The following NOM1 variants were observed in gnomAD, a reference collection of about 807,000 sequenced individuals.
The protein encoded by NOM1 is nucleolar protein with MIF4G domain 1, also known as nucleolar MIF4G domain-containing protein 1.
A neutral mutation model predicts 73.3 loss-of-function variants in NOM1; 58 were observed. That is an observed-to-expected ratio of 0.79 (90% CI 0.64 to 0.99). The LOEUF (loss-of-function observed/expected upper bound fraction) is 0.99. Ranked by LOEUF, NOM1 falls within the 50% of genes least tolerant of loss-of-function variation. NOM1 has a pLI of 0.00. For synonymous variants in NOM1, 487 were observed against 446.8 expected, an observed-to-expected ratio of 1.09 and a Z score of -1.14; for missense variants, 1,226 against 1,131.9, an observed-to-expected ratio of 1.08 and a Z score of -1.19.
rs1805174571 is a variant in NOM1, at chr7:156,972,941, A to G, written c.*3238A>G. 2 of 152,232 alleles carry G rather than the reference A, an allele frequency of 1.3e-5. No homozygotes were observed. The highest frequency in any genetic ancestry group is 2.4e-5 in the African/African-American group (1 of 41,456). The allele number at this position is 152,232 out of a possible 1,614,324, so 9.4% of individuals were successfully genotyped here. ...GCTATGAATTCAGAATTGCTTTTAA[A>G]TATATAGGGGGTTTTTTGAAATTTA... is the stretch of plus-strand genomic sequence containing the variant. On this transcript the variant is annotated 3_prime_UTR_variant, in exon 11 of 11. Transcript: ENST00000275820.
At chr7:156,954,774 T>G (rs1274548464) in intron 3 of NOM1, among the ~76,000 whole-genome samples, 1 of 152,140 alleles carries the variant, frequency 6.6e-6, no homozygotes, top group Non-Finnish European at 1.5e-5. Context: ...CCCAATGTGT[T>G]GGGATTACAG....
rs1804557012 is a variant in NOM1, at chr7:156,950,390, A to G, written c.653A>G (p.Tyr218Cys). 3 of 1,614,232 alleles carry G rather than the reference A, an allele frequency of 1.9e-6. No individual in the cohort carries two copies. Among genetic ancestry groups the G allele is most frequent in the South Asian group, 1.1e-5 (1 of 91,086 alleles). Residue 218 changes from tyrosine to cysteine, a missense_variant, in exon 1 of 11, where the codon TAT becomes TGT. By Grantham distance (194) the Tyr-to-Cys change is radical. Transcript: ENST00000275820. ...PLSFARDGLD[Y>C]ILGALESGKN... ...AGCTTTGCACGCGACGGTCTTGACT[A>G]TATTCTGGGAGCCCTGGAGTCTGGG...
intron 3 of NOM1, among the ~76,000 whole-genome samples, chr7:156,959,606 C>T (rs1419597707): frequency 1.3e-5 from 2 of 152,128 alleles, no homozygotes; most frequent in Non-Finnish European, 2.9e-5. Context: ...TTTTATTTTT[C>T]CAAGGAGTCA....
At chr7:156,967,233 G>T in intron 9 of NOM1, 141 bp downstream of exon 9, 1 of 1,023,644 alleles carries the variant, frequency 9.8e-7, no homozygotes, top group South Asian at 1.8e-5. Context: ...ATCCTAGCCA[G>T]GACAGAAAAC....
At chr7:156,957,972 G>A (rs991714252) in intron 3 of NOM1, among the ~76,000 whole-genome samples, 1 of 152,200 alleles carries the variant, frequency 6.6e-6, no homozygotes, top group African/African-American at 2.4e-5. Context: ...AGGTTGGCTT[G>A]GTTAAGTCTC....
intron 1 of NOM1, among the ~76,000 whole-genome samples, chr7:156,950,985 T>G (rs537123761): frequency 6.6e-6 from 1 of 152,234 alleles, no homozygotes; most frequent in Non-Finnish European, 1.5e-5. Context: ...GCATCTTCAT[T>G]CTGTGTTTAC....
rs1804548934 is a variant in NOM1, at chr7:156,950,223, C to T, written c.486C>T (p.Pro162=). ...CGGCCGCCACCGCAAAGACCAGACC[C>T]TCCGCAGCCGCCACCGCCGCTGCCC... ...KATAATAKTR[P]SAAATAAARK... The change falls in exon 1 of 11, where the codon CCC becomes CCT. Residue 162 remains proline (P), a synonymous_variant. Transcript: ENST00000275820. 2.5e-6 allele frequency: 4 copies of T among 1,612,094 alleles called. No individual in the cohort carries two copies. The highest frequency in any genetic ancestry group is 1.7e-5 in the Admixed American group (1 of 59,982).
intron 3 of NOM1, chr7:156,958,693 C>G (rs56061848): frequency 6.6e-6 from 1 of 152,240 alleles, no homozygotes; most frequent in Admixed American, 6.5e-5. Context: ...TTACGGAATT[C>G]GGGATAAAAT....
In NOM1 at chr7:156,963,045, G is replaced by A. The variant is rs749324849; in HGVS notation, c.1781G>A (p.Arg594His). The change falls in exon 6 of 11, where the codon CGC (arginine) becomes CAC (histidine). Residue 594 changes from arginine (R) to histidine (H), a missense_variant. Transcript: ENST00000275820. ...GGCTCAGGTTCTGAGACGCAGCTTC[G>A]CGTCTCCTGGGACAGTGTCTTGAGT... is the stretch of plus-strand genomic sequence containing the variant. ...NAGSGSETQL[R>H]VSWDSVLSAE... 9.3e-6 allele frequency: 15 copies of A among 1,613,652 alleles called. No individual in the cohort carries two copies. The East Asian group carries it at 2.5e-4, about 26-fold the overall frequency.
At chr7:156,962,888 G>C (rs1804899957) in intron 5 of NOM1, 120 bp from the exon 6 acceptor site, 2 of 1,090,736 alleles carry the variant, frequency 1.8e-6, no homozygotes, top group African/African-American at 3.2e-5. Context: ...AATTGCCAGT[G>C]ACCCATTCCA....
At chr7:156,952,249 T>C (rs1449275923) in intron 1 of NOM1, among the ~76,000 whole-genome samples, 1 of 152,168 alleles carries the variant, frequency 6.6e-6, no homozygotes, top group East Asian at 1.9e-4. Context: ...TGGTGAAATG[T>C]ATTATTAATA....
intron 1 of NOM1, among the ~76,000 whole-genome samples, chr7:156,951,350 GCA>G (rs1482646974): frequency 6.6e-6 from 1 of 152,042 alleles, no homozygotes; most frequent in African/African-American, 2.4e-5. Flanking sequence ...TCGCGCTACT[GCA>G]CTCTAGCCTG....
At chr7:156,965,821 C>G (rs1286131390) in intron 7 of NOM1, among the ~76,000 whole-genome samples, 3 of 152,020 alleles carry the variant, frequency 2.0e-5, no homozygotes, top group African/African-American at 7.3e-5. Flanking sequence ...GGCTGAGGTA[C>G]AAGAATCACT....
intron 10 of NOM1, 127 bp downstream of exon 10, chr7:156,969,323 C>T: frequency 1.4e-6 from 1 of 731,930 alleles, no homozygotes; most frequent in Non-Finnish European, 2.3e-6. Context: ...TATTTTTAAG[C>T]TGGTATGCAT....
At chr7:156,964,701 A>G (rs897742957) in intron 7 of NOM1, among the ~76,000 whole-genome samples, 23 of 152,222 alleles carry the variant, frequency 1.5e-4, no homozygotes, top group African/African-American at 5.5e-4. Context: ...CAGGGAGAAC[A>G]TGGTTCCTTT....
At position 156,950,232 on chromosome 7, in the gene NOM1, CGCCACCGCCGCT is replaced by C. The variant is rs758812857; in HGVS notation, c.499_510del (p.Thr167_Ala170del). ...CCGCAAAGACCAGACCCTCCGCAGCCGCCACCGCCGCTGCCCGGAAACGGGCGCTTTTAGCGG... is the reference window on the plus strand; with the variant it reads ...CCGCAAAGACCAGACCCTCCGCAGCCGCCCGGAAACGGGCGCTTTTAGCGG... On this transcript the variant is annotated inframe_deletion, in exon 1 of 11. Coordinates refer to ENST00000275820, the MANE Select transcript of NOM1 (RefSeq NM_138400.2). 1 of 1,612,734 alleles carries C rather than the reference CGCCACCGCCGCT, an allele frequency of 6.2e-7. No individual in the cohort carries two copies. The highest frequency in any genetic ancestry group is 8.5e-7 in the Non-Finnish European group (1 of 1,179,642).
chr7:156,962,359 G>T, intron 5 of NOM1, 98 bp downstream of exon 5: 1 of 964,554 alleles, frequency 1.0e-6, no homozygotes, highest in East Asian at 2.4e-5. Flanking sequence ...GCACGTCAGG[G>T]TGGTGTCTGG....
chr7:156,964,177 G>A (rs1233703460), intron 7 of NOM1, 151 bp downstream of exon 7: 6 of 669,956 alleles, frequency 9.0e-6, no homozygotes, highest in South Asian at 4.2e-5. Flanking sequence ...TGTTGGATTC[G>A]TGCATCTCTG....
chr7:156,950,521 G>A lies in NOM1; in HGVS notation c.784G>A (p.Glu262Lys), dbSNP rs767858669. The A allele has an allele frequency of 1.2e-6, 2 of 1,614,172 alleles. No homozygotes were observed. Among genetic ancestry groups the A allele is most frequent in the Non-Finnish European group, 1.7e-6 (2 of 1,180,014 alleles). ...TGACTCCCAGGACGAAAGTGAGGAG[G>A]AGGAGGAGGGAGACGTAGAAAAGGA... ...ESDSQDESEE[E>K]EEGDVEKEKK... is the part of the protein sequence containing the mutation. Residue 262 changes from glutamate to lysine, a missense_variant, in exon 1 of 11, where the codon GAG becomes AAG. Transcript: ENST00000275820.
Sources: gnomAD v4.1 joint callset for allele counts (sites outside exome capture counted in the v4.1 genomes callset) on GRCh38, gnomAD v4.1.1 for gene constraint, MANE v1.5 for transcripts, NCBI Gene and HGNC (gene_info 2026-07-23, HGNC 2026-07-21) for gene names.